The following ANKS1A variants were observed in gnomAD, a reference collection of about 807,000 sequenced individuals.
ANKS1A encodes the protein ankyrin repeat and SAM domain-containing protein 1A.
A neutral mutation model predicts 120.3 loss-of-function variants in ANKS1A; 55 were observed. That is an observed-to-expected ratio of 0.46 (90% CI 0.37 to 0.57). The LOEUF (loss-of-function observed/expected upper bound fraction) is 0.57. Among genes scored for constraint, ANKS1A ranks in the 20% least tolerant of loss-of-function variants. The pLI is 0.00. For missense variants in ANKS1A, 1,123 were observed against 1,480.3 expected, an observed-to-expected ratio of 0.76 and a Z score of 3.96; for synonymous variants, 590 against 604.7, an observed-to-expected ratio of 0.98 and a Z score of 0.36.
chr6:35,029,206 A>G (rs1774775932), intron 11 of ANKS1A, among the ~76,000 whole-genome samples: 1 of 151,886 alleles, frequency 6.6e-6, no homozygotes, highest in African/African-American at 2.4e-5. Flanking sequence ...TAATTTGTAG[A>G]AGCTCTTTGT....
At chr6:35,021,947 C>G (rs1774363767) in intron 11 of ANKS1A, among the ~76,000 whole-genome samples, 1 of 151,422 alleles carries the variant, frequency 6.6e-6, no homozygotes. Flanking sequence ...GATCACACCA[C>G]TGCACCTCAG....
Position 34,981,693 on chromosome 6 carries a change from A to G in ANKS1A, c.439A>G (p.Asn147Asp). ...PSHTRVNEQN[N>D]DNETALHCAA... ...GATCTGCTTGTTAACCCTTTAGAAC[A>G]ATGACAACGAGACAGCCCTGCATTG... Residue 147 changes from asparagine to aspartate, a missense_variant, in exon 4 of 24, where the codon AAT becomes GAT. By Grantham distance (23) the Asn-to-Asp change is conservative (BLOSUM62 1). Coordinates refer to ENST00000360359, the MANE Select transcript of ANKS1A (RefSeq NM_015245.3). 6.2e-7 allele frequency: 1 copy of G among 1,613,944 alleles called. No homozygotes were observed.
intron 2 of ANKS1A, among the ~76,000 whole-genome samples, chr6:34,968,315 G>A (rs755818483): frequency 8.5e-5 from 13 of 152,180 alleles, no homozygotes; most frequent in African/African-American, 2.7e-4. Context: ...AGGCATTGTC[G>A]GGGAGCACAG....
rs1771979996 is a variant in ANKS1A at position 34,982,965 on chromosome 6, A to C, written c.808+138A>C. The C allele has an allele frequency of 3.9e-6, 5 of 1,277,054 alleles. No individual in the cohort carries two copies. Among genetic ancestry groups the C allele is most frequent in the Non-Finnish European group, 5.7e-6 (5 of 882,914 alleles). The allele number at this position is 1,277,054 out of a possible 1,614,324, so 79.1% of individuals were successfully genotyped here. ...CTCCACTGGTTGATTACAAGTGTGT[A>C]AACTGTTCTTGAATAGCTGGATTAA... On this transcript the variant is annotated intron_variant, in intron 5 of 23. Coordinates refer to ENST00000360359, the MANE Select transcript of ANKS1A (RefSeq NM_015245.3). This position sits in a 1 kb window ranked among gnomAD's most constrained non-coding sequence, Gnocchi z 4.9.
At chr6:34,991,265 A>C (rs1321351586) in intron 9 of ANKS1A, among the ~76,000 whole-genome samples, 1 of 152,156 alleles carries the variant, frequency 6.6e-6, no homozygotes. Flanking sequence ...ACTGGCTTAA[A>C]AACATTAGAC....
intron 10 of ANKS1A, among the ~76,000 whole-genome samples, chr6:34,995,397 G>A (rs1299775765): frequency 6.6e-6 from 1 of 151,546 alleles, no homozygotes; most frequent in Non-Finnish European, 1.5e-5. Context: ...TGTATTTTAT[G>A]GTTTCCATTC....
At chr6:34,960,814 A>G (rs968964254) in intron 1 of ANKS1A, among the ~76,000 whole-genome samples, 1 of 152,186 alleles carries the variant, frequency 6.6e-6, no homozygotes, top group African/African-American at 2.4e-5. Context: ...AAACTTCTAG[A>G]AGTTTCCATG....
Position 35,054,076 on chromosome 6 carries a change from CTT to C in ANKS1A, c.2011-21_2011-20del, listed in dbSNP as rs1189847196. On this transcript the variant is annotated intron_variant, in intron 11 of 23. Coordinates refer to ENST00000360359, the MANE Select transcript of ANKS1A (RefSeq NM_015245.3). ...TACCCCAAGCCTGACTGCCTCTCCT[CTT>C]TGTTCTTTCTTCCATTTCAGATTGA... 3 of 1,611,124 alleles carry C rather than the reference CTT, an allele frequency of 1.9e-6. No individual in the cohort carries two copies. In the African/African-American group the frequency reaches 4.0e-5, roughly 22 times the overall value.
intron 1 of ANKS1A, among the ~76,000 whole-genome samples, chr6:34,956,302 G>A (rs1770357051): frequency 6.6e-6 from 1 of 150,666 alleles, no homozygotes; most frequent in South Asian, 2.1e-4. Flanking sequence ...CATTTTTGAG[G>A]TTTTATTTGG....
At chr6:34,916,924 A>C (rs1182236595) in intron 1 of ANKS1A, among the ~76,000 whole-genome samples, 2 of 152,220 alleles carry the variant, frequency 1.3e-5, no homozygotes, top group East Asian at 3.8e-4. Context: ...AGGCGGCAGC[A>C]ATGTGCCTTA....
At chr6:35,080,253 A>AGCCACCT (rs1777602248) in intron 16 of ANKS1A, among the ~76,000 whole-genome samples, 1 of 152,206 alleles carries the variant, frequency 6.6e-6, no homozygotes, top group African/African-American at 2.4e-5. Flanking sequence ...CAGGACTCAC[A>AGCCACCT]GCCACCTGGG....
intron 13 of ANKS1A, among the ~76,000 whole-genome samples, chr6:35,077,696 G>C (rs937122398): frequency 6.6e-6 from 1 of 152,200 alleles, no homozygotes. Context: ...GAAGGAGAGA[G>C]TCAGGCTGCC....
chr6:34,967,691 A>C (rs1770970644), intron 2 of ANKS1A, among the ~76,000 whole-genome samples: 1 of 151,980 alleles, frequency 6.6e-6, no homozygotes, highest in Non-Finnish European at 1.5e-5. Flanking sequence ...GAGTGACCCT[A>C]TCTCTAAAAA....
rs772251610 is a variant in ANKS1A at position 35,079,654 on chromosome 6, C to T, written c.2422C>T (p.Leu808=). The T allele has an allele frequency of 2.5e-6, 4 of 1,614,038 alleles. No homozygotes were observed. The highest frequency in any genetic ancestry group is 1.7e-6 in the Non-Finnish European group (2 of 1,180,030). The change falls in exon 15 of 24, where the codon CTA becomes TTA. Residue 808 remains leucine (L), a synonymous_variant. Transcript: ENST00000360359. ...TGACACCGTGAAGAACCTCTGGGAGCTAGAGCTCGTCAATGTGAGTAGTCC... is the reference window on the plus strand; with the variant it reads ...TGACACCGTGAAGAACCTCTGGGAGTTAGAGCTCGTCAATGTGAGTAGTCC... ...SIDTVKNLWE[L]ELVNVLKVQL...
At position 34,889,742 on chromosome 6, in the gene ANKS1A, G is replaced by C. The variant is rs1430639476; in HGVS notation, c.197+143G>C. On this transcript the variant is annotated intron_variant, in intron 1 of 23. Transcript: ENST00000360359. The surrounding 1 kb of genome is among the most constrained non-coding windows in gnomAD (Gnocchi z 5.5). ...CCGGGGCGAGGCAGGCGGCCCGCGG[G>C]CCAGGGTACCGGAGGGCGCGCAGGT... The C allele has an allele frequency of 6.2e-6, 7 of 1,121,834 alleles. No homozygotes were observed. In the African/African-American group the frequency reaches 9.9e-5, roughly 16 times the overall value. 69.5% of individuals were successfully genotyped at this position (1,121,834 alleles called of 1,614,324 possible). A position where few individuals can be genotyped will look rare whatever the true frequency, so the allele number is the denominator to read the frequency against.
chr6:35,020,684 G>C (rs903826590), intron 11 of ANKS1A, among the ~76,000 whole-genome samples: 1 of 152,150 alleles, frequency 6.6e-6, no homozygotes, highest in African/African-American at 2.4e-5. Flanking sequence ...GTTTCCTCCT[G>C]GCCAAGAAAT....
intron 13 of ANKS1A, among the ~76,000 whole-genome samples, chr6:35,062,145 C>T (rs940151252): frequency 1.3e-5 from 2 of 152,224 alleles, no homozygotes; most frequent in East Asian, 3.8e-4. Flanking sequence ...CTGTAAGATG[C>T]GTCTGTTCCT....
intron 1 of ANKS1A, among the ~76,000 whole-genome samples, chr6:34,955,566 T>C (rs1770321449): frequency 6.6e-6 from 1 of 152,180 alleles, no homozygotes; most frequent in South Asian, 2.1e-4. Flanking sequence ...CTTCTGCAGA[T>C]GCCCCCCTGG....
chr6:35,060,141 C>T lies in ANKS1A; in HGVS notation c.2078-6C>T, dbSNP rs772483906. On this transcript the variant is annotated splice_region_variant and splice_polypyrimidine_tract_variant and intron_variant, in intron 12 of 23. Transcript: ENST00000360359. The surrounding 1 kb of genome is among the most constrained non-coding windows in gnomAD (Gnocchi z 4.5). The stretch of plus-strand genomic sequence containing the variant: ...TTCAAGCGTCTGCCGATTCCTCTCT[C>T]ATCAGGTTTACGGACGCTGGAGCAG... The T allele has an allele frequency of 6.2e-6, 10 of 1,611,844 alleles. No individual in the cohort carries two copies. The highest frequency in any genetic ancestry group is 1.7e-4 in the Middle Eastern group (1 of 6,014).
Sources: allele counts gnomAD v4.1 joint callset (sites outside exome capture counted in the v4.1 genomes callset), GRCh38; gene constraint gnomAD v4.1.1; non-coding constraint Gnocchi (gnomAD v3.1); transcripts MANE v1.5; gene names NCBI Gene and HGNC (gene_info 2026-07-23, HGNC 2026-07-21).